CSMD2: variants seen among roughly 807,000 people sequenced by gnomAD.
The protein encoded by CSMD2 is CUB and Sushi multiple domains 2.
Under a neutral mutation model 398.5 loss-of-function variants are expected in CSMD2, and 130 were observed. The observed-to-expected ratio is 0.33, with a 90% CI of 0.28 to 0.38. The LOEUF is 0.38. CSMD2 is among the 10% of genes least tolerant of loss of function. The pLI, the probability that CSMD2 is intolerant of heterozygous loss-of-function variation, is 1.00. For missense variants in CSMD2, 3,829 were observed against 4,764.9 expected (o/e 0.80, Z 5.78); for synonymous variants, 1,828 against 1,908.5 (o/e 0.96, Z 1.10).
intron 29 of CSMD2, among the ~76,000 whole-genome samples, chr1:33,638,006 C>G (rs1293037374): frequency 6.6e-6 from 1 of 152,140 alleles, no homozygotes; most frequent in Non-Finnish European, 1.5e-5. Context: ...TGGGATGGAA[C>G]TCTGAGAGTC....
chr1:33,660,223 C>T (rs563677754), intron 26 of CSMD2, among the ~76,000 whole-genome samples: 15 of 152,262 alleles, frequency 9.9e-5, no homozygotes, highest in African/African-American at 3.4e-4. Flanking sequence ...AATAATGGTG[C>T]CCATACTGTA....
intron 27 of CSMD2, among the ~76,000 whole-genome samples, chr1:33,654,132 T>A (rs1643882380): frequency 1.3e-5 from 2 of 152,216 alleles, no homozygotes; most frequent in South Asian, 4.1e-4. Context: ...AGTAGTCTGC[T>A]TTTTGTTCCA....
chr1:33,788,822 G>T, intron 11 of CSMD2, 110 bp from the exon 12 acceptor site: 1 of 683,094 alleles, frequency 1.5e-6, no homozygotes, highest in Non-Finnish European at 2.6e-6. Context: ...GCCCGCTCGG[G>T]CAAATTCTGG....
intron 25 of CSMD2, among the ~76,000 whole-genome samples, chr1:33,686,288 A>G (rs1415330935): frequency 6.6e-6 from 1 of 152,230 alleles, no homozygotes; most frequent in African/African-American, 2.4e-5. Flanking sequence ...GAAGCTGAGA[A>G]GAGTTTCCAC....
At chr1:33,887,730 T>C (rs1287475754) in intron 5 of CSMD2, among the ~76,000 whole-genome samples, 1 of 152,114 alleles carries the variant, frequency 6.6e-6, no homozygotes, top group African/African-American at 2.4e-5. Context: ...CTGCCAAACC[T>C]ATCACTCCTC....
intron 10 of CSMD2, 126 bp downstream of exon 10, chr1:33,810,617 A>G (rs1570062208): frequency 1.0e-6 from 1 of 987,592 alleles, no homozygotes; most frequent in African/African-American, 1.7e-5. Flanking sequence ...AATAAAAAAA[A>G]AAGTAAAAGA....
intron 7 of CSMD2, among the ~76,000 whole-genome samples, chr1:33,824,340 CT>C (rs969428238): frequency 6.6e-6 from 1 of 152,210 alleles, no homozygotes; most frequent in Admixed American, 6.5e-5. Context: ...GTCCTTTCCC[CT>C]AAACCCCCAG....
chr1:33,662,042 T>C (rs1239114650), intron 26 of CSMD2, among the ~76,000 whole-genome samples: 1 of 150,736 alleles, frequency 6.6e-6, no homozygotes, highest in African/African-American at 2.4e-5. Context: ...GGGGGAGGAA[T>C]GATGGAAGAG....
chr1:33,555,090 TG>T (rs1657834173), intron 55 of CSMD2, among the ~76,000 whole-genome samples: 1 of 152,168 alleles, frequency 6.6e-6, no homozygotes, highest in African/African-American at 2.4e-5. Context: ...TCATTCTAGA[TG>T]CCATTAAGAA....
intron 5 of CSMD2, chr1:33,864,826 T>C: frequency 8.0e-7 from 1 of 1,247,366 alleles, no homozygotes; most frequent in Non-Finnish European, 1.1e-6. Context: ...GGCATTAGAG[T>C]AGCTGTGACT....
chr1:33,857,718 G>A (rs757401419), intron 5 of CSMD2, among the ~76,000 whole-genome samples: 2 of 152,116 alleles, frequency 1.3e-5, no homozygotes, highest in Non-Finnish European at 2.9e-5. Flanking sequence ...ACCCATTCCT[G>A]GGGCCAAGGA....
chr1:33,887,417 T>C (rs1204092073), intron 5 of CSMD2, among the ~76,000 whole-genome samples: 1 of 152,186 alleles, frequency 6.6e-6, no homozygotes, highest in Admixed American at 6.5e-5. Flanking sequence ...AAAATGCTAA[T>C]GTTATAAGTG....
At chr1:34,105,207 A>G (rs1407034067) in intron 1 of CSMD2, among the ~76,000 whole-genome samples, 1 of 152,142 alleles carries the variant, frequency 6.6e-6, no homozygotes, top group Non-Finnish European at 1.5e-5. Context: ...GGGTTTCTCA[A>G]CCTCAACACT....
chr1:34,067,842 A>G (rs1001838229), intron 2 of CSMD2, among the ~76,000 whole-genome samples: 2 of 152,212 alleles, frequency 1.3e-5, no homozygotes, highest in African/African-American at 4.8e-5. Flanking sequence ...CAAACTGCAC[A>G]CGTACCTCCC....
chr1:33,918,202 G>A lies in CSMD2; in HGVS notation c.812C>T (p.Thr271Ile). The change falls in exon 5 of 71, where the codon ACC (threonine) becomes ATC (isoleucine). Residue 271 changes from threonine to isoleucine, a missense_variant. This residue lies in a region of CSMD2 where 2,001 missense variants were observed against 2,567.1 expected (regional missense o/e 0.78). Transcript: ENST00000373381. ...GGTGTCCCCCAGCTCAGCCAGGATG[G>A]TCCATGTGCAGTCGGCATTGTTATG... is the stretch of plus-strand genomic sequence containing the variant. Reference protein sequence around the residue: ...EYHNNADCTWTILAELGDTIA... With the variant: ...EYHNNADCTWIILAELGDTIA... 1 of 1,614,158 alleles carries A rather than the reference G, an allele frequency of 6.2e-7. No homozygotes were observed. Among genetic ancestry groups the A allele is most frequent in the Non-Finnish European group, 8.5e-7 (1 of 1,180,038 alleles).
intron 1 of CSMD2, among the ~76,000 whole-genome samples, chr1:34,138,569 T>A (rs1464788603): frequency 3.3e-5 from 5 of 152,236 alleles, no homozygotes; most frequent in African/African-American, 1.2e-4. Flanking sequence ...TCATTTTCAC[T>A]TTTTCCCTCT....
At chr1:33,984,646 G>T (rs1014157292) in intron 3 of CSMD2, among the ~76,000 whole-genome samples, 1 of 152,112 alleles carries the variant, frequency 6.6e-6, no homozygotes, top group East Asian at 1.9e-4. Flanking sequence ...ACCCAGATAC[G>T]GTGGCATGCA....
At chr1:33,767,468 C>T (rs545009618) in intron 13 of CSMD2, among the ~76,000 whole-genome samples, 2 of 152,248 alleles carry the variant, frequency 1.3e-5, no homozygotes, top group South Asian at 4.1e-4. Flanking sequence ...AGTTACAGCA[C>T]ATTATATAGG....
At chr1:33,956,173 A>G (rs1645161457) in intron 3 of CSMD2, among the ~76,000 whole-genome samples, 1 of 151,814 alleles carries the variant, frequency 6.6e-6, no homozygotes, top group African/African-American at 2.4e-5. Flanking sequence ...AAGAATATTC[A>G]CATTGTGCAC....
Sources: allele counts gnomAD v4.1 joint callset (sites outside exome capture counted in the v4.1 genomes callset), GRCh38; gene constraint gnomAD v4.1.1; regional missense constraint gnomAD v4.1.1; transcripts MANE v1.5; gene names NCBI Gene and HGNC (gene_info 2026-07-23, HGNC 2026-07-21).